NUP160: variants seen among roughly 807,000 people sequenced by gnomAD.
NUP160 encodes nucleoporin 160.
In NUP160, 94 loss-of-function variants were observed where a neutral mutation model predicts 196.9. The observed-to-expected ratio is 0.48, with a 90% CI of 0.40 to 0.57. The LOEUF is 0.57. NUP160 is among the 20% of genes least tolerant of loss of function. NUP160 has a pLI of 0.00. For missense variants in NUP160, 1,638 were observed against 1,748.3 expected (o/e 0.94, Z 1.13); for synonymous variants, 605 against 619.7 (o/e 0.98, Z 0.35).
At chr11:47,848,486 C>A, upstream of NUP160, 1 of 1,286,240 alleles carries the variant, frequency 7.8e-7, no homozygotes, top group Non-Finnish European at 1.1e-6. Flanking sequence ...TGAGGGTGGG[C>A]AGCGAGGAAT....
chr11:47,783,045 A>T (rs934863027), intron 34 of NUP160, 28 bp downstream of exon 34: 24 of 1,595,338 alleles, frequency 1.5e-5, no homozygotes, highest in Non-Finnish European at 2.1e-5. Context: ...AAACCATTGT[A>T]AATTGGGGAC....
chr11:47,839,645 T>C (rs919964756), intron 4 of NUP160, 198 bp downstream of exon 4: 1 of 584,728 alleles, frequency 1.7e-6, no homozygotes, highest in Middle Eastern at 4.5e-4. Context: ...TATTTGTTTT[T>C]CCGTGCTCCA....
intron 10 of NUP160, 35 bp from the exon 11 acceptor site, chr11:47,818,159 C>G (rs1005612572): frequency 6.9e-7 from 1 of 1,449,442 alleles, no homozygotes; most frequent in Non-Finnish European, 9.6e-7. Context: ...TACTATTGTC[C>G]TAAACAAAAT....
At chr11:47,779,534 G>T (rs747876644) in intron 35 of NUP160, 1 of 517,394 alleles carries the variant, frequency 1.9e-6, no homozygotes, top group South Asian at 1.4e-5. Context: ...GTGAAATATA[G>T]AACTAATATT....
chr11:47,797,547 C>T (rs1246694383), intron 27 of NUP160, among the ~76,000 whole-genome samples: 1 of 152,064 alleles, frequency 6.6e-6, no homozygotes, highest in Non-Finnish European at 1.5e-5. Context: ...TGCTAATTTC[C>T]TTTATAATTG....
chr11:47,779,077 G>C, exon 36 of NUP160: 1 of 1,532,258 alleles, frequency 6.5e-7, no homozygotes, highest in Non-Finnish European at 9.0e-7. Flanking sequence ...GGCACCAAGC[G>C]GTTACAAAGG....
intron 21 of NUP160, chr11:47,804,283 C>T (rs554001921): frequency 4.1e-5 from 13 of 320,062 alleles, no homozygotes; most frequent in East Asian, 1.2e-4. Flanking sequence ...TATTTTATTA[C>T]TTTCTTTAAA....
exon 18 of NUP160, chr11:47,808,507 A>G: frequency 6.2e-7 from 1 of 1,614,030 alleles, no homozygotes; most frequent in South Asian, 1.1e-5. Flanking sequence ...AGCTTGAAAG[A>G]GCTGACCAGT....
exon 23 of NUP160, chr11:47,801,864 G>C (rs374918751): frequency 7.4e-6 from 12 of 1,613,684 alleles, no homozygotes; most frequent in Non-Finnish European, 1.0e-5. Flanking sequence ...TCCTCTGAGC[G>C]AATCAAGCGA....
chr11:47,844,963 CCCATCAACG>C (rs1852371674), intron 2 of NUP160, among the ~76,000 whole-genome samples: 1 of 152,198 alleles, frequency 6.6e-6, no homozygotes, highest in Admixed American at 6.5e-5. Flanking sequence ...CTGCTACACT[CCCATCAACG>C]CCATGACAGT....
intron 18 of NUP160, 37 bp from the exon 19 acceptor site, chr11:47,807,177 T>A: frequency 7.7e-7 from 1 of 1,302,590 alleles, no homozygotes. Context: ...TAGTAAATTC[T>A]CCTATGCTAA....
intron 7 of NUP160, among the ~76,000 whole-genome samples, chr11:47,822,610 A>G (rs1461966541): frequency 6.6e-6 from 1 of 150,952 alleles, no homozygotes; most frequent in Non-Finnish European, 1.5e-5. Flanking sequence ...TCTAGGTTAC[A>G]TGTGCACAAC....
exon 18 of NUP160, chr11:47,808,450 T>C: frequency 6.2e-7 from 1 of 1,613,698 alleles, no homozygotes; most frequent in Non-Finnish European, 8.5e-7. Flanking sequence ...TTTAATGAGG[T>C]AATAAGATAA....
In NUP160 at chr11:47,779,021, C is replaced by T. The variant is rs114850860; in HGVS notation, c.*84G>A. The T allele has an allele frequency of 3.7e-4, 325 of 888,222 alleles. 1 individual carries two copies. The African/African-American group carries it at 4.7e-3, about 13-fold the overall frequency. The allele number at this position is 888,222 out of a possible 1,614,324, so 55.0% of individuals were successfully genotyped here. ...ACACATCATTTACAGTTACAAAAAT[C>T]GGCCTTGAGTACAGGGTTCCTGTAG... On this transcript the variant is annotated 3_prime_UTR_variant, in exon 36 of 36. Coordinates refer to ENST00000378460, the Ensembl canonical transcript of NUP160.
At chr11:47,848,267 C>G in exon 1 of NUP160, 2 of 1,614,200 alleles carry the variant, frequency 1.2e-6, no homozygotes, top group South Asian at 2.2e-5. Context: ...CTTTCGCGCT[C>G]AGCTCCGCTT....
chr11:47,800,753 A>G (rs2097673766), intron 23 of NUP160, among the ~76,000 whole-genome samples: 1 of 152,198 alleles, frequency 6.6e-6, no homozygotes, highest in Non-Finnish European at 1.5e-5. Context: ...AGCAATTAAC[A>G]AAACAGTGAA....
At chr11:47,813,717 T>A (rs1421581687) in intron 13 of NUP160, among the ~76,000 whole-genome samples, 1 of 151,348 alleles carries the variant, frequency 6.6e-6, no homozygotes, top group East Asian at 1.9e-4. Flanking sequence ...TTCTAGCTGC[T>A]AGGGAGGCTG....
intron 20 of NUP160, among the ~76,000 whole-genome samples, chr11:47,805,777 C>T (rs1383841771): frequency 1.3e-5 from 2 of 151,950 alleles, no homozygotes; most frequent in Non-Finnish European, 2.9e-5. Flanking sequence ...CTAGGTATTT[C>T]ATTACATAGG....
chr11:47,797,968 G>T lies in NUP160; in HGVS notation c.3183+10C>A. On this transcript the variant is annotated intron_variant, in intron 26 of 35. Transcript: ENST00000378460. ...CTTGTTGAAAGCCATCACTGGATAAGTAAAATTACCTCATTATGCAGATTC... is the reference window on the plus strand; with the variant it reads ...CTTGTTGAAAGCCATCACTGGATAATTAAAATTACCTCATTATGCAGATTC... The T allele has an allele frequency of 6.4e-7, 1 of 1,566,520 alleles. No homozygotes were observed. Among genetic ancestry groups the T allele is most frequent in the Non-Finnish European group, 8.7e-7 (1 of 1,143,212 alleles).
Sources: allele counts gnomAD v4.1 joint callset (sites outside exome capture counted in the v4.1 genomes callset), GRCh38; gene constraint gnomAD v4.1.1; transcripts MANE v1.5; gene names NCBI Gene and HGNC (gene_info 2026-07-23, HGNC 2026-07-21).